The following DGKB variants were observed in gnomAD, a reference collection of about 807,000 sequenced individuals.
DGKB encodes the protein 90 kDa diacylglycerol kinase.
Under a neutral mutation model 114.3 loss-of-function variants are expected in DGKB, and 67 were observed. The observed-to-expected ratio is 0.59, with a 90% CI of 0.48 to 0.72. The LOEUF is 0.72. DGKB is among the 30% of genes least tolerant of loss of function. The probability of loss-of-function intolerance (pLI) is 0.00; values close to 1 mark genes in which losing one functional copy is unlikely to be tolerated. For synonymous variants in DGKB, 398 were observed against 323.1 expected, an observed-to-expected ratio of 1.23 and a Z score of -2.49; for missense variants, 907 against 975.2, an observed-to-expected ratio of 0.93 and a Z score of 0.93.
intron 21 of DGKB, among the ~76,000 whole-genome samples, chr7:14,405,756 G>A (rs1481573547): frequency 6.6e-6 from 1 of 152,016 alleles, no homozygotes; most frequent in Admixed American, 6.6e-5. Flanking sequence ...ACCAGGCACA[G>A]CTTTTAAGAG....
chr7:14,642,460 G>A (rs556589231), intron 13 of DGKB, among the ~76,000 whole-genome samples: 1 of 152,096 alleles, frequency 6.6e-6, no homozygotes, highest in Non-Finnish European at 1.5e-5. Flanking sequence ...ATTGGCAGTT[G>A]ATAGAAAAGT....
chr7:14,911,191 A>C (rs1446262957), intron 1 of DGKB, among the ~76,000 whole-genome samples: 1 of 152,074 alleles, frequency 6.6e-6, no homozygotes, highest in Non-Finnish European at 1.5e-5. Flanking sequence ...CAGAAGGGCC[A>C]TATTTTATTT....
At chr7:14,663,649 C>T (rs1322711826) in intron 13 of DGKB, among the ~76,000 whole-genome samples, 2 of 143,982 alleles carry the variant, frequency 1.4e-5, no homozygotes, top group African/African-American at 2.6e-5. Context: ...TTCCTTCCTT[C>T]CCTCCTTCCC....
At chr7:14,376,277 T>C (rs1332359126) in intron 21 of DGKB, among the ~76,000 whole-genome samples, 1 of 152,210 alleles carries the variant, frequency 6.6e-6, no homozygotes, top group Non-Finnish European at 1.5e-5. Flanking sequence ...TTCACCAAGA[T>C]CACCTGCTGT....
At chr7:14,651,266 C>T (rs938174430) in intron 13 of DGKB, among the ~76,000 whole-genome samples, 38 of 152,168 alleles carry the variant, frequency 2.5e-4, no homozygotes, top group South Asian at 6.2e-4. Flanking sequence ...ACTGGCAAAC[C>T]GAATCCAGCA....
At chr7:14,649,567 C>T (rs1258408838) in intron 13 of DGKB, among the ~76,000 whole-genome samples, 1 of 152,032 alleles carries the variant, frequency 6.6e-6, no homozygotes, top group African/African-American at 2.4e-5. Flanking sequence ...ACCATCAACA[C>T]TAGGAAGAAA....
At chr7:14,459,458 G>A (rs1281678348) in intron 21 of DGKB, among the ~76,000 whole-genome samples, 1 of 152,066 alleles carries the variant, frequency 6.6e-6, no homozygotes, top group Non-Finnish European at 1.5e-5. Flanking sequence ...TGAAGCATAC[G>A]CAAGTATCAG....
At chr7:14,448,557 T>A (rs1051763716) in intron 21 of DGKB, among the ~76,000 whole-genome samples, 4 of 152,124 alleles carry the variant, frequency 2.6e-5, no homozygotes, top group African/African-American at 9.7e-5. Context: ...CAGGGAATCC[T>A]AAATATTCCT....
At chr7:14,314,369 A>T (rs1234556008) in intron 23 of DGKB, among the ~76,000 whole-genome samples, 5 of 151,144 alleles carry the variant, frequency 3.3e-5, no homozygotes, top group Non-Finnish European at 5.9e-5. Flanking sequence ...AAGGCAAAGA[A>T]GTTGAAAACT....
chr7:14,418,275 T>G (rs548663200), intron 21 of DGKB, among the ~76,000 whole-genome samples: 10 of 142,938 alleles, frequency 7.0e-5, no homozygotes, highest in East Asian at 6.0e-4. Flanking sequence ...TATATATATT[T>G]TATATATGTG....
intron 1 of DGKB, among the ~76,000 whole-genome samples, chr7:14,845,091 A>G (rs1300747890): frequency 1.4e-5 from 2 of 138,312 alleles, no homozygotes; most frequent in Non-Finnish European, 3.0e-5. Flanking sequence ...TCAGTGACAG[A>G]GCAAGGCCCT....
At chr7:14,499,966 G>A (rs1173313127) in intron 20 of DGKB, among the ~76,000 whole-genome samples, 1 of 151,768 alleles carries the variant, frequency 6.6e-6, no homozygotes, top group African/African-American at 2.4e-5. Flanking sequence ...TTTTCCCACA[G>A]GTCAACTTCA....
intron 20 of DGKB, among the ~76,000 whole-genome samples, chr7:14,508,833 T>C (rs1421024020): frequency 1.3e-5 from 2 of 151,830 alleles, no homozygotes; most frequent in African/African-American, 2.4e-5. Context: ...TTTGTTACTA[T>C]ACTATCATTC....
intron 8 of DGKB, among the ~76,000 whole-genome samples, 193 bp downstream of exon 8, chr7:14,697,902 G>A (rs1178478625): frequency 6.8e-6 from 1 of 147,964 alleles, no homozygotes; most frequent in Non-Finnish European, 1.5e-5. Flanking sequence ...GAAAGAGAAA[G>A]AGAGAAGGAA....
intron 21 of DGKB, among the ~76,000 whole-genome samples, chr7:14,357,917 T>C (rs1461865794): frequency 1.3e-5 from 2 of 152,188 alleles, no homozygotes; most frequent in Non-Finnish European, 2.9e-5. Context: ...GAATATTGAA[T>C]ATTGGCCCCT....
At chr7:14,318,640 G>A (rs1562924394) in intron 23 of DGKB, among the ~76,000 whole-genome samples, 1 of 151,996 alleles carries the variant, frequency 6.6e-6, no homozygotes, top group African/African-American at 2.4e-5. Context: ...GGAAACAACA[G>A]GTGCTGGAGA....
At chr7:14,827,854 C>T (rs1288100526) in intron 2 of DGKB, among the ~76,000 whole-genome samples, 1 of 151,824 alleles carries the variant, frequency 6.6e-6, no homozygotes, top group East Asian at 1.9e-4. Flanking sequence ...ATTTGTCAGG[C>T]TATTGAGAAA....
At chr7:14,918,042 CA>C (rs1784325956) in intron 1 of DGKB, among the ~76,000 whole-genome samples, 1 of 151,950 alleles carries the variant, frequency 6.6e-6, no homozygotes, top group African/African-American at 2.4e-5. Flanking sequence ...AAGCATTTGC[CA>C]AAATTCAACA....
chr7:14,700,965 A>G (rs1387322311), intron 7 of DGKB, among the ~76,000 whole-genome samples: 3 of 152,172 alleles, frequency 2.0e-5, no homozygotes, highest in African/African-American at 7.2e-5. Context: ...ATAGAACCTG[A>G]GATGGAATTT....
Sources: allele counts gnomAD v4.1 joint callset (sites outside exome capture counted in the v4.1 genomes callset), GRCh38; gene constraint gnomAD v4.1.1; transcripts MANE v1.5; gene names NCBI Gene and HGNC (gene_info 2026-07-23, HGNC 2026-07-21).